FAM227B: variants seen among roughly 807,000 people sequenced by gnomAD.
The protein encoded by FAM227B is family with sequence similarity 227 member B.
A neutral mutation model predicts 73.8 loss-of-function variants in FAM227B; 88 were observed. The ratio of observed to expected loss-of-function variants is 1.19; its 90% CI spans 1.00 to 1.42. The LOEUF is 1.42. Ranked by LOEUF, FAM227B falls within the 40% of genes most tolerant of loss-of-function variation. The probability of loss-of-function intolerance (pLI) is 0.00; values close to 1 mark genes in which losing one functional copy is unlikely to be tolerated. For synonymous variants in FAM227B, 210 were observed against 190.5 expected, an observed-to-expected ratio of 1.10 and a Z score of -0.84; for missense variants, 632 against 590.9, an observed-to-expected ratio of 1.07 and a Z score of -0.72.
chr15:49,331,701 T>C (rs1279738406), intron 15 of FAM227B, 79 bp downstream of exon 15: 7 of 893,142 alleles, frequency 7.8e-6, no homozygotes, highest in African/African-American at 1.6e-5. Flanking sequence ...CCACCATACA[T>C]TGCTTATGAA....
chr15:49,352,085 G>A (rs1288557167), intron 13 of FAM227B, among the ~76,000 whole-genome samples: 2 of 152,156 alleles, frequency 1.3e-5, no homozygotes, highest in Non-Finnish European at 1.5e-5. Context: ...GTCTGGGGCT[G>A]ATACTTGCTG....
intron 10 of FAM227B, among the ~76,000 whole-genome samples, chr15:49,512,273 T>C (rs1455531176): frequency 6.6e-6 from 1 of 152,164 alleles, no homozygotes; most frequent in Admixed American, 6.5e-5. Context: ...ATAAAAAGAA[T>C]TTTTATAAAT....
At chr15:49,409,868 A>G (rs996086318) in intron 11 of FAM227B, among the ~76,000 whole-genome samples, 1 of 152,172 alleles carries the variant, frequency 6.6e-6, no homozygotes, top group Non-Finnish European at 1.5e-5. Flanking sequence ...CCTGGCATGC[A>G]GTAAGTGTTA....
intron 11 of FAM227B, among the ~76,000 whole-genome samples, chr15:49,440,860 G>GT (rs1422802643): frequency 6.6e-6 from 1 of 151,632 alleles, no homozygotes; most frequent in African/African-American, 2.4e-5. Flanking sequence ...GATTACTGAG[G>GT]TATTATTAAA....
chr15:49,582,617 T>C (rs1056727507), intron 5 of FAM227B, among the ~76,000 whole-genome samples: 2 of 152,182 alleles, frequency 1.3e-5, no homozygotes, highest in Non-Finnish European at 2.9e-5. Context: ...AACCCAGCAC[T>C]GGGTCAAACG....
intron 11 of FAM227B, among the ~76,000 whole-genome samples, chr15:49,476,827 A>G (rs2055368353): frequency 1.3e-5 from 2 of 152,306 alleles, no homozygotes; most frequent in Non-Finnish European, 2.9e-5. Context: ...TGGGAGGCTG[A>G]GGTGGGCAGA....
At chr15:49,530,925 T>C (rs2060560950) in intron 10 of FAM227B, among the ~76,000 whole-genome samples, 2 of 151,838 alleles carry the variant, frequency 1.3e-5, no homozygotes, top group South Asian at 2.1e-4. Flanking sequence ...ATCACAAATA[T>C]AATACATAGA....
intron 3 of FAM227B, among the ~76,000 whole-genome samples, chr15:49,598,322 A>C (rs1190311405): frequency 6.6e-6 from 1 of 151,990 alleles, no homozygotes; most frequent in Non-Finnish European, 1.5e-5. Flanking sequence ...ATGTTGTGCA[A>C]ATTTACTGAA....
At position 49,590,557 on chromosome 15, in the gene FAM227B, AT is replaced by A. The variant is rs200533867; in HGVS notation, c.106-551del. ...TTTTTTCTAGTTTTATTAAAGTATA[AT>A]TGACAAATTAAAATTGTAAATATTT... is the stretch of plus-strand genomic sequence containing the variant. On this transcript the variant is annotated intron_variant, in intron 3 of 15. Transcript: ENST00000299338. Among the ~76,000 whole-genome samples, 97 of 152,304 alleles carry A rather than the reference AT, an allele frequency of 6.4e-4. 3 individuals are homozygous for A. In the East Asian group the frequency reaches 0.018, roughly 28 times the overall value.
chr15:49,438,915 G>A (rs1276052440), intron 11 of FAM227B, among the ~76,000 whole-genome samples: 1 of 151,328 alleles, frequency 6.6e-6, no homozygotes, highest in Non-Finnish European at 1.5e-5. Context: ...GAGAGAGAGA[G>A]AAAATTAGTT....
At chr15:49,420,163 T>C (rs1248324639) in intron 11 of FAM227B, among the ~76,000 whole-genome samples, 8 of 152,206 alleles carry the variant, frequency 5.3e-5, no homozygotes, top group Non-Finnish European at 1.2e-4. Context: ...CCAGGCAGTC[T>C]ACTTCTGGAA....
intron 15 of FAM227B, chr15:49,330,448 C>G (rs1483449713): frequency 2.0e-5 from 3 of 152,124 alleles, no homozygotes; most frequent in African/African-American, 7.2e-5. Context: ...TTCTGGATTA[C>G]TCAGAATCTG....
At chr15:49,428,677 A>C (rs1018185566) in intron 11 of FAM227B, among the ~76,000 whole-genome samples, 3 of 151,988 alleles carry the variant, frequency 2.0e-5, no homozygotes, top group Non-Finnish European at 4.4e-5. Context: ...ATCCCTCAGG[A>C]TAATTTTCAT....
intron 11 of FAM227B, chr15:49,483,303 C>A: frequency 1.1e-6 from 1 of 881,858 alleles, no homozygotes; most frequent in South Asian, 1.4e-5. Context: ...TCATTTTTGT[C>A]AAAATATCTC....
At chr15:49,593,079 G>C (rs1021832090) in intron 3 of FAM227B, among the ~76,000 whole-genome samples, 2 of 152,140 alleles carry the variant, frequency 1.3e-5, no homozygotes, top group African/African-American at 4.8e-5. Flanking sequence ...TGATTTTCCA[G>C]GTACAGTCTG....
chr15:49,416,862 A>G (rs1175217952), intron 11 of FAM227B, among the ~76,000 whole-genome samples: 1 of 152,106 alleles, frequency 6.6e-6, no homozygotes, highest in Non-Finnish European at 1.5e-5. Context: ...AATGAAAATT[A>G]TAAAACATTG....
intron 9 of FAM227B, among the ~76,000 whole-genome samples, chr15:49,545,426 A>G (rs910071129): frequency 6.6e-6 from 1 of 151,990 alleles, no homozygotes; most frequent in Non-Finnish European, 1.5e-5. Context: ...CAAATTTGTT[A>G]ATCTTTTCAA....
intron 15 of FAM227B, chr15:49,331,242 T>C (rs1312855225): frequency 1.3e-5 from 2 of 153,234 alleles, no homozygotes; most frequent in Non-Finnish European, 1.5e-5. Context: ...TTCTTGTCTG[T>C]TGGGAGAGAA....
rs537067934 is a variant in FAM227B at position 49,487,194 on chromosome 15, T to C, written c.1012+21017A>G. 4 of 151,960 alleles carry C rather than the reference T, an allele frequency of 2.6e-5. No homozygotes were observed. The South Asian group carries it at 8.3e-4, about 31-fold the overall frequency. The allele number at this position is 151,960 out of a possible 1,614,324, so 9.4% of individuals were successfully genotyped here. A position where few individuals can be genotyped will look rare whatever the true frequency, so the allele number is the denominator to read the frequency against. Reference sequence around the variant, plus strand: ...AAGGAGAAAAGAAATTATGTAGTTTTCAATTCTGATTCCTATTCACCTTTT... The same window carrying C: ...AAGGAGAAAAGAAATTATGTAGTTTCCAATTCTGATTCCTATTCACCTTTT... On this transcript the variant is annotated intron_variant, in intron 11 of 15. Coordinates refer to ENST00000299338, the MANE Select transcript of FAM227B (RefSeq NM_152647.3).
Sources: gnomAD v4.1 joint callset for allele counts (sites outside exome capture counted in the v4.1 genomes callset) on GRCh38, gnomAD v4.1.1 for gene constraint, MANE v1.5 for transcripts, NCBI Gene and HGNC (gene_info 2026-07-23, HGNC 2026-07-21) for gene names.